The following PRKN variants were observed in gnomAD, a reference collection of about 807,000 sequenced individuals.
The protein encoded by PRKN is parkin RBR E3 ubiquitin protein ligase.
Under a neutral mutation model 59.5 loss-of-function variants are expected in PRKN, and 56 were observed. That is an observed-to-expected ratio of 0.94 (90% CI 0.76 to 1.18). The LOEUF (loss-of-function observed/expected upper bound fraction) is 1.18. PRKN is among the 50% of genes most tolerant of loss of function. The pLI is 0.00. For synonymous variants in PRKN, 250 were observed against 222.1 expected (o/e 1.13, Z -1.12); for missense variants, 657 against 596.4 (o/e 1.10, Z -1.06).
chr6:161,773,040 G>A (rs1323046916), intron 7 of PRKN, among the ~76,000 whole-genome samples: 1 of 152,108 alleles, frequency 6.6e-6, no homozygotes, highest in East Asian at 1.9e-4. Context: ...GAAAAGCAGG[G>A]AATGATAATT....
chr6:161,584,542 T>C lies in PRKN; in HGVS notation c.872-15126A>G, dbSNP rs1261315403. ...AGAAAATCTTTTAACATATCCCCCT[T>C]ACACTTGCCATCCAAAGGTAAAAAG... On this transcript the variant is annotated intron_variant, in intron 7 of 11. Transcript: ENST00000366898. This position sits in a 1 kb window ranked among gnomAD's most constrained non-coding sequence, Gnocchi z 4.8. Among the ~76,000 whole-genome samples the C allele has an allele frequency of 6.6e-6, 1 of 152,230 alleles. No homozygotes were observed. Among genetic ancestry groups the C allele is most frequent in the East Asian group, 1.9e-4 (1 of 5,202 alleles).
At chr6:162,262,900 C>A in intron 2 of PRKN, 135 bp from the exon 3 acceptor site, 1 of 1,106,734 alleles carries the variant, frequency 9.0e-7, no homozygotes, top group South Asian at 1.4e-5. Flanking sequence ...TTAGGTGCTC[C>A]TTTGCCCACA....
chr6:161,403,793 T>A (rs1039731853), intron 9 of PRKN, among the ~76,000 whole-genome samples: 1 of 152,148 alleles, frequency 6.6e-6, no homozygotes, highest in African/African-American at 2.4e-5. Flanking sequence ...GGCTCCACCC[T>A]CATGAATGCA....
Position 161,912,445 on chromosome 6 carries a change from T to C in PRKN, c.734+60857A>G, listed in dbSNP as rs573984871. 5.4e-5 allele frequency among the ~76,000 whole-genome samples: 8 copies of C among 148,516 alleles called. No individual in the cohort carries two copies. In the East Asian group the frequency reaches 1.5e-3, roughly 27 times the overall value. ...CACCCTCGTGAATCTGAGCTGGGCC[T>C]GTGACTGGCCTTCACCAAGAGAATG... is the stretch of plus-strand genomic sequence containing the variant. On this transcript the variant is annotated intron_variant, in intron 6 of 11. Coordinates refer to ENST00000366898, the MANE Select transcript of PRKN (RefSeq NM_004562.3).
intron 3 of PRKN, among the ~76,000 whole-genome samples, chr6:162,260,810 A>G (rs1017922773): frequency 3.3e-5 from 5 of 152,124 alleles, no homozygotes; most frequent in African/African-American, 4.8e-5. Flanking sequence ...TGATTTTTTT[A>G]TTTTTAGTAA....
chr6:161,962,417 A>T (rs566755554), intron 6 of PRKN, among the ~76,000 whole-genome samples: 11 of 149,962 alleles, frequency 7.3e-5, no homozygotes, highest in African/African-American at 2.4e-4. Context: ...AGTTTTCTTT[A>T]AAAAAAAAAG....
At chr6:162,399,273 A>G (rs560489096) in intron 2 of PRKN, among the ~76,000 whole-genome samples, 14 of 152,300 alleles carry the variant, frequency 9.2e-5, no homozygotes, top group African/African-American at 3.4e-4. Context: ...GAGGGGTCAA[A>G]ATCAGAATGG....
chr6:162,534,572 C>A (rs1316161924), intron 1 of PRKN, among the ~76,000 whole-genome samples: 1 of 152,122 alleles, frequency 6.6e-6, no homozygotes, highest in African/African-American at 2.4e-5. Context: ...TATACACTGA[C>A]TGAATATATT....
chr6:162,185,035 A>C (rs1337415146), intron 4 of PRKN, among the ~76,000 whole-genome samples: 2 of 152,158 alleles, frequency 1.3e-5, no homozygotes, highest in African/African-American at 4.8e-5. Context: ...AGCCTCATCT[A>C]ATAAAGACAA....
intron 6 of PRKN, among the ~76,000 whole-genome samples, chr6:161,892,022 G>A (rs1052152819): frequency 2.0e-5 from 3 of 152,122 alleles, no homozygotes; most frequent in Admixed American, 2.0e-4. Context: ...GGACTCTCTG[G>A]GTGACCTCTT....
intron 6 of PRKN, among the ~76,000 whole-genome samples, chr6:161,969,763 T>C (rs1780730654): frequency 6.6e-6 from 1 of 152,210 alleles, no homozygotes; most frequent in Non-Finnish European, 1.5e-5. Context: ...CATCTATTAT[T>C]TTAATCCATA....
chr6:162,414,531 C>T (rs1229352408), intron 2 of PRKN, among the ~76,000 whole-genome samples: 1 of 150,994 alleles, frequency 6.6e-6, no homozygotes. Flanking sequence ...CATGGTGAAA[C>T]CCCTATCTCT....
chr6:161,833,995 G>T (rs1027254357), intron 6 of PRKN, among the ~76,000 whole-genome samples: 2 of 152,096 alleles, frequency 1.3e-5, no homozygotes, highest in Admixed American at 1.3e-4. Context: ...AGAAAACATG[G>T]AACTCTGGAC....
Position 161,391,025 on chromosome 6 carries a change from G to T in PRKN, c.1084-4148C>A, listed in dbSNP as rs1786481493. Among the ~76,000 whole-genome samples, 1 of 152,100 alleles carries T rather than the reference G, an allele frequency of 6.6e-6. No homozygotes were observed. The highest frequency in any genetic ancestry group is 6.5e-5 in the Admixed American group (1 of 15,288). ...ATTCTGGGGAACTCTGGGTTAGGCAGATACAAAACTCCTTCTTAAGACAGT... is the reference window on the plus strand; with the variant it reads ...ATTCTGGGGAACTCTGGGTTAGGCATATACAAAACTCCTTCTTAAGACAGT... On this transcript the variant is annotated intron_variant, in intron 9 of 11. Transcript: ENST00000366898. This position sits in a 1 kb window ranked among gnomAD's most constrained non-coding sequence, Gnocchi z 4.9.
At chr6:161,667,222 C>T in intron 7 of PRKN, among the ~76,000 whole-genome samples, 1 of 152,168 alleles carries the variant, frequency 6.6e-6, no homozygotes, top group East Asian at 1.9e-4. Context: ...TCTCACACCA[C>T]TACAGGATAA....
intron 7 of PRKN, among the ~76,000 whole-genome samples, chr6:161,641,485 C>CT (rs989194697): frequency 6.6e-6 from 1 of 152,178 alleles, no homozygotes; most frequent in Admixed American, 6.5e-5. Context: ...AACCAATCAG[C>CT]TCCCCACTTT....
intron 7 of PRKN, among the ~76,000 whole-genome samples, chr6:161,595,840 C>G (rs551708221): frequency 3.1e-4 from 47 of 152,266 alleles, no homozygotes; most frequent in African/African-American, 1.1e-3. Flanking sequence ...CTATAATTTA[C>G]GGCGGGAAAG....
chr6:162,233,709 T>C (rs1343939691), intron 3 of PRKN, among the ~76,000 whole-genome samples: 1 of 152,228 alleles, frequency 6.6e-6, no homozygotes, highest in Non-Finnish European at 1.5e-5. Flanking sequence ...AGAAACTTCA[T>C]CCCCAAGCTC....
chr6:161,536,354 T>C (rs1406340963), intron 9 of PRKN, among the ~76,000 whole-genome samples: 1 of 151,900 alleles, frequency 6.6e-6, no homozygotes, highest in Non-Finnish European at 1.5e-5. Flanking sequence ...GCAAGACTGG[T>C]TTAGACTACT....
Sources: gnomAD v4.1 joint callset for allele counts (sites outside exome capture counted in the v4.1 genomes callset) on GRCh38, gnomAD v4.1.1 for gene constraint, Gnocchi (gnomAD v3.1) non-coding constraint, MANE v1.5 for transcripts, NCBI Gene and HGNC (gene_info 2026-07-23, HGNC 2026-07-21) for gene names.